ZFC3H1: variants seen among roughly 807,000 people sequenced by gnomAD.
ZFC3H1 encodes the protein zinc finger C3H1-type containing, also known as zinc finger C3H1 domain-containing protein.
ZFC3H1 carries 71 observed loss-of-function variants against 243.7 expected under a neutral mutation model. The ratio of observed to expected loss-of-function variants is 0.29; its 90% CI spans 0.24 to 0.36. The LOEUF is 0.36. Ranked by LOEUF, ZFC3H1 falls within the 10% of genes least tolerant of loss-of-function variation. The pLI is 1.00. For missense variants in ZFC3H1, 1,966 were observed against 2,317.1 expected (o/e 0.85, Z 3.11); for synonymous variants, 838 against 813.0 (o/e 1.03, Z -0.52).
intron 3 of ZFC3H1, among the ~76,000 whole-genome samples, chr12:71,646,380 T>A (rs1027864440): frequency 1.3e-5 from 2 of 152,090 alleles, no homozygotes; most frequent in African/African-American, 4.8e-5. Context: ...CATGTGGCTA[T>A]CTGAATTTAA....
intron 3 of ZFC3H1, among the ~76,000 whole-genome samples, chr12:71,647,451 C>T (rs1880756393): frequency 6.6e-6 from 1 of 151,730 alleles, no homozygotes; most frequent in African/African-American, 2.4e-5. Flanking sequence ...GGATAACACA[C>T]AAAAAATGGA....
At chr12:71,615,864 T>C (rs1363077972) in intron 27 of ZFC3H1, among the ~76,000 whole-genome samples, 1 of 152,122 alleles carries the variant, frequency 6.6e-6, no homozygotes, top group Non-Finnish European at 1.5e-5. Flanking sequence ...CCTCCTAAAA[T>C]GAATTTTTTA....
rs776019553 is a variant in ZFC3H1, at chr12:71,620,297, G to A, written c.4763C>T (p.Thr1588Ile). 5 of 1,614,132 alleles carry A rather than the reference G, an allele frequency of 3.1e-6. No homozygotes were observed. The highest frequency in any genetic ancestry group is 1.1e-5 in the South Asian group (1 of 91,076). The change falls in exon 25 of 35, where the codon ACA becomes ATA. Residue 1588 changes from threonine to isoleucine, a missense_variant. Thr to Ile is a moderately conservative substitution (Grantham distance 89). Transcript: ENST00000378743. The stretch of plus-strand genomic sequence containing the variant: ...TTCCTCAACAGCAAGGCTCTCATCT[G>A]TGCAAGCTTTCACTGCATCTACCCA... ...AVFEDAVKAC[T>I]DESLAVEERI...
intron 31 of ZFC3H1, among the ~76,000 whole-genome samples, chr12:71,613,097 C>T (rs763954465): frequency 1.3e-5 from 2 of 152,168 alleles, no homozygotes; most frequent in Non-Finnish European, 2.9e-5. Flanking sequence ...ATGAACTTTA[C>T]TTGAATGGAA....
At position 71,663,396 on chromosome 12, in the gene ZFC3H1, G is replaced by A; in HGVS notation, c.215C>T (p.Ser72Phe). The A allele has an allele frequency of 1.2e-6, 2 of 1,612,118 alleles. No homozygotes were observed. The highest frequency in any genetic ancestry group is 1.7e-6 in the Non-Finnish European group (2 of 1,180,018). ...CTGAGAAGAGGACGATGACGAGGAAGAGCCACCGCCTCCGCCAGATCCACC... is the reference window on the plus strand; with the variant it reads ...CTGAGAAGAGGACGATGACGAGGAAAAGCCACCGCCTCCGCCAGATCCACC... ...RGGGSGGGGG[S>F]SSSSSSSQQQ... The change falls in exon 1 of 35, where the codon TCT (serine) becomes TTT (phenylalanine). Residue 72 changes from serine to phenylalanine, a missense_variant. By Grantham distance (155) the Ser-to-Phe change is radical (BLOSUM62 -2). This residue lies in a region of ZFC3H1 where 484 missense variants were observed against 449.7 expected (regional missense o/e 1.08). Transcript: ENST00000378743.
At position 71,654,596 on chromosome 12, in the gene ZFC3H1, C is replaced by A. The variant is rs184848008; in HGVS notation, c.1015+2289G>T. On this transcript the variant is annotated intron_variant, in intron 2 of 34. Transcript: ENST00000378743. The stretch of plus-strand genomic sequence containing the variant: ...TAAGGTTCCTGATTAACTTTAAACA[C>A]TGGTAGGAATATAAGACCAGAAATT... Among the ~76,000 whole-genome samples the A allele has an allele frequency of 1.4e-3, 206 of 151,870 alleles. 2 individuals are homozygous for A. The highest frequency in any genetic ancestry group is 4.8e-3 in the African/African-American group (197 of 41,404).
chr12:71,642,349 C>T, intron 6 of ZFC3H1, 87 bp downstream of exon 6: 2 of 1,408,072 alleles, frequency 1.4e-6, no homozygotes, highest in East Asian at 4.8e-5. Context: ...TTTCATTACA[C>T]ATTTCTTTAA....
In ZFC3H1 at chr12:71,633,418, T is replaced by A. The variant is rs1418173657; in HGVS notation, c.2531A>T (p.Glu844Val). ...KKHRILLMKD[E>V]SVLKNLVQQE... ...TTGCACTAAATTCTTTAAAACAGAT[T>A]CATCTTTCATCAAGAGAATCCTAAA... The change falls in exon 13 of 35, where the codon GAA becomes GTA. Residue 844 changes from glutamate to valine, a missense_variant. Glu to Val is a moderately radical substitution (Grantham distance 121, BLOSUM62 -2). Transcript: ENST00000378743. 6.4e-7 allele frequency: 1 copy of A among 1,572,436 alleles called. No homozygotes were observed. The highest frequency in any genetic ancestry group is 1.2e-5 in the South Asian group (1 of 83,170).
At chr12:71,640,135 C>G (rs1301866953) in intron 6 of ZFC3H1, among the ~76,000 whole-genome samples, 3 of 152,172 alleles carry the variant, frequency 2.0e-5, no homozygotes, top group Non-Finnish European at 4.4e-5. Context: ...GATTCTCCTG[C>G]CTCAGGCTCC....
At chr12:71,636,374 A>T (rs1880461402) in intron 9 of ZFC3H1, 116 bp downstream of exon 9, 2 of 728,432 alleles carry the variant, frequency 2.7e-6, no homozygotes, top group East Asian at 3.3e-5. Flanking sequence ...TTGTATTTAT[A>T]TGTGAATATA....
At chr12:71,628,798 T>TA in intron 20 of ZFC3H1, 120 bp downstream of exon 20, 1 of 1,141,366 alleles carries the variant, frequency 8.8e-7, no homozygotes, top group Non-Finnish European at 1.2e-6. Context: ...TGGCATCGTT[T>TA]TTAAAAAAAA....
Position 71,636,843 on chromosome 12 carries a change from A to G in ZFC3H1, c.1935+7T>C, listed in dbSNP as rs1350377289. ...GCACCACCTAGAGGTTTAGGTACCT[A>G]AATTACCTCTGGCTTAAAAGCTCTT... is the stretch of plus-strand genomic sequence containing the variant. On this transcript the variant is annotated splice_region_variant and intron_variant, in intron 8 of 34. Coordinates refer to ENST00000378743, the MANE Select transcript of ZFC3H1 (RefSeq NM_144982.5). 1 of 1,613,628 alleles carries G rather than the reference A, an allele frequency of 6.2e-7. No homozygotes were observed. Among genetic ancestry groups the G allele is most frequent in the Non-Finnish European group, 8.5e-7 (1 of 1,179,752 alleles).
At chr12:71,618,357 C>T (rs1253598334) in intron 27 of ZFC3H1, among the ~76,000 whole-genome samples, 1 of 151,378 alleles carries the variant, frequency 6.6e-6, no homozygotes, top group Non-Finnish European at 1.5e-5. Flanking sequence ...CTTTAAGATT[C>T]TATTTTCGCT....
chr12:71,640,364 T>C (rs1410958565), intron 6 of ZFC3H1, among the ~76,000 whole-genome samples: 1 of 152,194 alleles, frequency 6.6e-6, no homozygotes, highest in East Asian at 1.9e-4. Context: ...ACAGAACTTG[T>C]GACTGGCTTA....
rs772045522 is a variant in ZFC3H1 at position 71,663,001 on chromosome 12, C to A, written c.598+12G>T. 115 of 1,580,488 alleles carry A rather than the reference C, an allele frequency of 7.3e-5. No homozygotes were observed. Among genetic ancestry groups the A allele is most frequent in the Non-Finnish European group, 9.0e-5 (105 of 1,163,664 alleles). On this transcript the variant is annotated intron_variant, in intron 1 of 34. Transcript: ENST00000378743. Reference sequence around the variant, plus strand: ...GTGACACACCCAGCGCCGACCGCCACGTTAAGGATACAGCTCTTCCGAGGT... The same window carrying A: ...GTGACACACCCAGCGCCGACCGCCAAGTTAAGGATACAGCTCTTCCGAGGT...
At chr12:71,634,887 G>T in intron 10 of ZFC3H1, 62 bp from the exon 11 acceptor site, 1 of 1,528,736 alleles carries the variant, frequency 6.5e-7, no homozygotes, top group Non-Finnish European at 8.7e-7. Flanking sequence ...TCCATACTAA[G>T]ATTTATATTT....
chr12:71,661,151 A>C (rs986258761), intron 1 of ZFC3H1, among the ~76,000 whole-genome samples: 1 of 151,806 alleles, frequency 6.6e-6, no homozygotes, highest in African/African-American at 2.4e-5. Context: ...AAAATATAAA[A>C]AATTAGCCGG....
chr12:71,619,519 G>C, intron 26 of ZFC3H1, 110 bp from the exon 27 acceptor site: 2 of 995,896 alleles, frequency 2.0e-6, no homozygotes, highest in Non-Finnish European at 3.0e-6. Flanking sequence ...TAAGTTTCTT[G>C]AGTGGGTAAG....
At chr12:71,652,213 T>A (rs1433485719) in intron 2 of ZFC3H1, among the ~76,000 whole-genome samples, 3 of 152,208 alleles carry the variant, frequency 2.0e-5, no homozygotes, top group Non-Finnish European at 4.4e-5. Context: ...ATTTACTGAT[T>A]CAGATGACAT....
Sources: allele counts gnomAD v4.1 joint callset (sites outside exome capture counted in the v4.1 genomes callset), GRCh38; gene constraint gnomAD v4.1.1; regional missense constraint gnomAD v4.1.1; transcripts MANE v1.5; gene names NCBI Gene and HGNC (gene_info 2026-07-23, HGNC 2026-07-21).